Variants in PCDH9 observed in about 807,000 individuals in gnomAD.
PCDH9 encodes protocadherin-9.
PCDH9 carries 24 observed loss-of-function variants against 70.6 expected under a neutral mutation model. That is an observed-to-expected ratio of 0.34 (90% CI 0.25 to 0.48). PCDH9 has a LOEUF of 0.48. Ranked by LOEUF, PCDH9 falls within the 20% of genes least tolerant of loss-of-function variation. The pLI, the probability that PCDH9 is intolerant of heterozygous loss-of-function variation, is 0.99. For missense variants in PCDH9, 1,281 were observed against 1,503.6 expected, an observed-to-expected ratio of 0.85 and a Z score of 2.45; for synonymous variants, 562 against 558.5, an observed-to-expected ratio of 1.01 and a Z score of -0.09.
In PCDH9 at chr13:66,662,802, A is replaced by G. The variant is rs139657803; in HGVS notation, c.3139-31391T>C. Reference sequence around the variant, plus strand: ...CAAGAAAGTAAGGCCTAAATATTTCAATTTTAAAACATAGTATGTTATAAG... The same window carrying G: ...CAAGAAAGTAAGGCCTAAATATTTCGATTTTAAAACATAGTATGTTATAAG... On this transcript the variant is annotated intron_variant, in intron 3 of 4. Coordinates refer to ENST00000377865, the MANE Select transcript of PCDH9 (RefSeq NM_203487.3). 7.9e-3 allele frequency among the ~76,000 whole-genome samples: 1,203 copies of G among 152,314 alleles called. 16 individuals are homozygous for G. The highest frequency in any genetic ancestry group is 0.028 in the African/African-American group (1,144 of 41,574).
intron 3 of PCDH9, among the ~76,000 whole-genome samples, chr13:66,885,545 G>T (rs1380250521): frequency 6.6e-6 from 1 of 152,022 alleles, no homozygotes; most frequent in Non-Finnish European, 1.5e-5. Context: ...ATATTTTTAA[G>T]ATTTTGAATT....
intron 3 of PCDH9, among the ~76,000 whole-genome samples, chr13:66,737,047 C>T (rs773494624): frequency 2.6e-5 from 4 of 152,012 alleles, no homozygotes; most frequent in African/African-American, 4.8e-5. Flanking sequence ...CAGGGTAGTG[C>T]CTTGAATAAA....
intron 3 of PCDH9, among the ~76,000 whole-genome samples, chr13:66,706,117 T>A (rs1429502744): frequency 6.6e-6 from 1 of 152,204 alleles, no homozygotes; most frequent in Non-Finnish European, 1.5e-5. Context: ...GATTAGAGTA[T>A]GTATTTGAAC....
chr13:67,093,937 A>C (rs558467316), intron 2 of PCDH9, among the ~76,000 whole-genome samples: 3 of 152,302 alleles, frequency 2.0e-5, no homozygotes, highest in South Asian at 2.1e-4. Flanking sequence ...ACCAGATATA[A>C]AGTGAATAGG....
intron 3 of PCDH9, among the ~76,000 whole-genome samples, chr13:66,805,381 T>A (rs928476404): frequency 6.6e-6 from 1 of 152,148 alleles, no homozygotes; most frequent in African/African-American, 2.4e-5. Context: ...GTGCACATTT[T>A]AGAGAATCCA....
In PCDH9 at chr13:66,488,590, T is replaced by TA. The variant is rs200818637; in HGVS notation, c.3340+142619dup. 5.4e-3 allele frequency among the ~76,000 whole-genome samples: 820 copies of TA among 150,700 alleles called. 5 individuals are homozygous for TA. Among genetic ancestry groups the TA allele is most frequent in the East Asian group, 0.022 (111 of 5,124 alleles). On this transcript the variant is annotated intron_variant, in intron 4 of 4. Transcript: ENST00000377865. The stretch of plus-strand genomic sequence containing the variant: ...ACAGCCAAGACAGCTAATAATAGAG[T>TA]AAAAAAAAATCTCAGAAAATTCTGT...
intron 3 of PCDH9, among the ~76,000 whole-genome samples, chr13:66,798,597 G>A (rs1202579829): frequency 2.0e-5 from 3 of 152,040 alleles, no homozygotes; most frequent in Non-Finnish European, 4.4e-5. Flanking sequence ...TTTGCCTAAC[G>A]GAAATCTACC....
intron 3 of PCDH9, among the ~76,000 whole-genome samples, chr13:66,817,050 G>T (rs2080620509): frequency 6.6e-6 from 1 of 150,664 alleles, no homozygotes; most frequent in Admixed American, 6.6e-5. Flanking sequence ...AATTTAAAAA[G>T]CAATATAGCA....
intron 3 of PCDH9, among the ~76,000 whole-genome samples, chr13:66,868,914 A>T: frequency 6.6e-6 from 1 of 152,188 alleles, no homozygotes; most frequent in East Asian, 1.9e-4. Flanking sequence ...CTTACAGACT[A>T]GCATGATAAA....
At chr13:66,729,282 T>C (rs1024900120) in intron 3 of PCDH9, among the ~76,000 whole-genome samples, 2 of 152,134 alleles carry the variant, frequency 1.3e-5, no homozygotes. Flanking sequence ...TCCATTTCTT[T>C]GAGGCTCAAA....
At chr13:66,621,922 C>T (rs928942568) in intron 4 of PCDH9, among the ~76,000 whole-genome samples, 13 of 152,222 alleles carry the variant, frequency 8.5e-5, no homozygotes, top group Non-Finnish European at 1.5e-4. Flanking sequence ...GGAGCCGGCT[C>T]CCTCAGCTTG....
In PCDH9 at chr13:66,913,291, T is replaced by C. The variant is rs2082501093; in HGVS notation, c.3037-9686A>G. ...GAGAGAAAGGAGTGCATAAGTTCTT[T>C]TTTTTATAGTGCACTAAAAGCAAAC... On this transcript the variant is annotated intron_variant, in intron 2 of 4. Coordinates refer to ENST00000377865, the MANE Select transcript of PCDH9 (RefSeq NM_203487.3). Among the ~76,000 whole-genome samples the C allele has an allele frequency of 2.6e-5, 4 of 152,008 alleles. No individual in the cohort carries two copies. In the South Asian group the frequency reaches 8.3e-4, roughly 31 times the overall value.
chr13:67,225,700 C>T lies in PCDH9; in HGVS notation c.2741G>A (p.Ser914Asn). 1 of 1,614,190 alleles carries T rather than the reference C, an allele frequency of 6.2e-7. No individual in the cohort carries two copies. The highest frequency in any genetic ancestry group is 8.5e-7 in the Non-Finnish European group (1 of 1,180,030). The part of the protein sequence containing the change: ...ISLPAELEEQ[S>N]IGRFDWGPAP... ...CGGGCCCCAGTCAAATCTTCCTATA[C>T]TTTGCTCCTCCAGTTCAGCCGGCAG... is the stretch of plus-strand genomic sequence containing the variant. The change falls in exon 2 of 5, where the codon AGT becomes AAT. Residue 914 changes from serine (S) to asparagine (N), a missense_variant. Ser to Asn is a conservative substitution (Grantham distance 46). Around this residue, in one of 4 missense-constraint regions of PCDH9, gnomAD observed 207 missense variants for 191.8 expected, o/e 1.08. Transcript: ENST00000377865.
chr13:66,456,139 G>T (rs989866831), intron 4 of PCDH9, among the ~76,000 whole-genome samples: 3 of 152,104 alleles, frequency 2.0e-5, no homozygotes, highest in African/African-American at 7.2e-5. Context: ...CTTTTTATCT[G>T]ATGGTTATGC....
chr13:66,401,360 T>TC (rs111395097), intron 4 of PCDH9, among the ~76,000 whole-genome samples: 52 of 138,722 alleles, frequency 3.7e-4, no homozygotes, highest in Non-Finnish European at 7.8e-4. Flanking sequence ...AGTTTTTTTT[T>TC]CCCCCCCTTT....
chr13:67,078,636 C>T (rs534260057), intron 2 of PCDH9, among the ~76,000 whole-genome samples: 1 of 152,088 alleles, frequency 6.6e-6, no homozygotes, highest in African/African-American at 2.4e-5. Context: ...GTAATCTTTC[C>T]AACTTGTGAA....
intron 4 of PCDH9, among the ~76,000 whole-genome samples, chr13:66,615,291 A>G (rs2077342036): frequency 6.6e-6 from 1 of 152,218 alleles, no homozygotes; most frequent in African/African-American, 2.4e-5. Flanking sequence ...TGGATTGCCA[A>G]AATGATGCTC....
chr13:66,776,277 A>T (rs981900926), intron 3 of PCDH9, among the ~76,000 whole-genome samples: 3 of 150,842 alleles, frequency 2.0e-5, no homozygotes, highest in Non-Finnish European at 4.4e-5. Context: ...AGTTCTGGCC[A>T]GGGCAATCAG....
chr13:66,986,481 G>T (rs963567362), intron 2 of PCDH9, among the ~76,000 whole-genome samples: 1 of 151,866 alleles, frequency 6.6e-6, no homozygotes, highest in East Asian at 1.9e-4. Flanking sequence ...GTTTTTCACT[G>T]GGATATGGAA....
Sources: gnomAD v4.1 joint callset for allele counts (sites outside exome capture counted in the v4.1 genomes callset) on GRCh38, gnomAD v4.1.1 for gene constraint, gnomAD v4.1.1 regional missense constraint, MANE v1.5 for transcripts, NCBI Gene and HGNC (gene_info 2026-07-23, HGNC 2026-07-21) for gene names.